The following LMBRD2 variants were observed in gnomAD, a reference collection of about 807,000 sequenced individuals.
LMBRD2 encodes G protein-coupled receptor-associated protein LMBRD2.
Under a neutral mutation model 94.4 loss-of-function variants are expected in LMBRD2, and 55 were observed. That is an observed-to-expected ratio of 0.58 (90% confidence interval 0.47 to 0.73). LMBRD2 has a LOEUF of 0.73. Ranked by LOEUF, LMBRD2 falls within the 30% of genes least tolerant of loss-of-function variation. The pLI is 0.00. For synonymous variants in LMBRD2, 246 were observed against 272.4 expected, an observed-to-expected ratio of 0.90 and a Z score of 0.95; for missense variants, 640 against 831.9, an observed-to-expected ratio of 0.77 and a Z score of 2.84.
At chr5:36,121,835 C>T (rs1743893134) in intron 9 of LMBRD2, among the ~76,000 whole-genome samples, 1 of 152,102 alleles carries the variant, frequency 6.6e-6, no homozygotes, top group Admixed American at 6.5e-5. Flanking sequence ...CTATTCAGTA[C>T]AGTAACATGC....
intron 4 of LMBRD2, among the ~76,000 whole-genome samples, chr5:36,138,669 C>T (rs1481038827): frequency 6.6e-6 from 1 of 152,226 alleles, no homozygotes; most frequent in African/African-American, 2.4e-5. Flanking sequence ...AAACTAAACA[C>T]AATCTATGCA....
chr5:36,146,086 G>C (rs1382299707), intron 1 of LMBRD2, among the ~76,000 whole-genome samples: 4 of 152,224 alleles, frequency 2.6e-5, no homozygotes, highest in South Asian at 2.1e-4. Flanking sequence ...CACTTTAAAG[G>C]GTTGTAGATG....
chr5:36,132,967 C>T (rs187420793), intron 6 of LMBRD2, among the ~76,000 whole-genome samples: 1 of 148,994 alleles, frequency 6.7e-6, no homozygotes, highest in East Asian at 2.0e-4. Flanking sequence ...AGTACAACTA[C>T]TATGGAGAAC....
chr5:36,142,699 C>T, intron 2 of LMBRD2, 100 bp from the exon 3 acceptor site: 2 of 612,996 alleles, frequency 3.3e-6, no homozygotes, highest in South Asian at 2.0e-5. Context: ...AACTTACCTT[C>T]TTGGCTATGC....
At chr5:36,105,960 A>C (rs1481055170) in intron 16 of LMBRD2, among the ~76,000 whole-genome samples, 2 of 152,184 alleles carry the variant, frequency 1.3e-5, no homozygotes, top group East Asian at 3.9e-4. Flanking sequence ...TCTTTCTGAA[A>C]ACTTAATGCA....
intron 2 of LMBRD2, among the ~76,000 whole-genome samples, 153 bp downstream of exon 2, chr5:36,143,023 C>T (rs1397945648): frequency 3.3e-5 from 5 of 152,050 alleles, no homozygotes; most frequent in Non-Finnish European, 7.4e-5. Flanking sequence ...CCACGCCCGG[C>T]CCTTGGCTAT....
chr5:36,107,076 A>G (rs1004213065), intron 16 of LMBRD2, among the ~76,000 whole-genome samples: 3 of 152,120 alleles, frequency 2.0e-5, no homozygotes, highest in East Asian at 1.9e-4. Flanking sequence ...CTCTTTTTCA[A>G]TCCCCAAGCT....
chr5:36,110,021 G>A (rs1431984153), intron 14 of LMBRD2, 30 bp from the exon 15 acceptor site: 11 of 1,555,396 alleles, frequency 7.1e-6, no homozygotes, highest in African/African-American at 2.7e-5. Flanking sequence ...CTCAAATATG[G>A]CATAACATGG....
At chr5:36,136,940 C>CA (rs988665161) in intron 5 of LMBRD2, among the ~76,000 whole-genome samples, 3 of 151,174 alleles carry the variant, frequency 2.0e-5, no homozygotes, top group African/African-American at 4.9e-5. Context: ...ATAATCAAAA[C>CA]AAAAAAAATC....
chr5:36,148,246 G>GAAAAA (rs112066311), intron 1 of LMBRD2, among the ~76,000 whole-genome samples: 1 of 107,476 alleles, frequency 9.3e-6, no homozygotes, highest in Non-Finnish European at 2.0e-5. Flanking sequence ...CTCGAAAAAT[G>GAAAAA]AAAAAAAAAA....
intron 1 of LMBRD2, among the ~76,000 whole-genome samples, chr5:36,146,058 A>G (rs1172597495): frequency 6.6e-6 from 1 of 152,212 alleles, no homozygotes; most frequent in African/African-American, 2.4e-5. Flanking sequence ...TCTGTTTTTC[A>G]GTCTGATTCA....
chr5:36,144,043 T>C (rs1397647170), intron 1 of LMBRD2, among the ~76,000 whole-genome samples: 1 of 152,124 alleles, frequency 6.6e-6, no homozygotes, highest in Non-Finnish European at 1.5e-5. Flanking sequence ...CTTACTTTGA[T>C]AAATTCTCAT....
rs1402370786 is a variant in LMBRD2, at chr5:36,111,367, CTG to C, written c.1641-111_1641-110del. 5 of 760,500 alleles carry C rather than the reference CTG, an allele frequency of 6.6e-6. No homozygotes were observed. The East Asian group carries it at 1.1e-4, about 16-fold the overall frequency. The allele number at this position is 760,500 out of a possible 1,614,324, so 47.1% of individuals were successfully genotyped here. ...CCAAAAGAAGACTATGCTTCATTAT[CTG>C]TTATCATATAGTTATCTACTGTCAC... On this transcript the variant is annotated intron_variant, in intron 13 of 17. Coordinates refer to ENST00000296603, the MANE Select transcript of LMBRD2 (RefSeq NM_001007527.2).
intron 9 of LMBRD2, among the ~76,000 whole-genome samples, chr5:36,120,331 C>T (rs868313135): frequency 6.6e-6 from 1 of 151,908 alleles, no homozygotes; most frequent in Non-Finnish European, 1.5e-5. Context: ...GGCACAATCT[C>T]GGCTCACTGC....
intron 16 of LMBRD2, among the ~76,000 whole-genome samples, chr5:36,106,749 ATCCACCCACC>A: frequency 6.6e-6 from 1 of 152,088 alleles, no homozygotes; most frequent in Admixed American, 6.6e-5. Flanking sequence ...ACCTTAGGTG[ATCCACCCACC>A]TCAGCTTCAC....
At chr5:36,105,824 A>T (rs566360912) in intron 16 of LMBRD2, among the ~76,000 whole-genome samples, 1 of 152,182 alleles carries the variant, frequency 6.6e-6, no homozygotes, top group Non-Finnish European at 1.5e-5. Context: ...ATCATACCAG[A>T]CAGCAGATAA....
At position 36,105,150 on chromosome 5, in the gene LMBRD2, T is replaced by A. The variant is rs757695534; in HGVS notation, c.1945A>T (p.Ile649Leu). 7.4e-6 allele frequency: 12 copies of A among 1,612,716 alleles called. No individual in the cohort carries two copies. The Admixed American group carries it at 1.7e-4, about 22-fold the overall frequency. The change falls in exon 17 of 18, where the codon ATA (isoleucine) becomes TTA (leucine). Residue 649 changes from isoleucine (I) to leucine (L), a missense_variant. Physicochemically the swap from Ile to Leu is conservative, Grantham distance 5 (BLOSUM62 2). This residue lies in a region of LMBRD2 where 183 missense variants were observed against 189.1 expected (regional missense o/e 0.97). Coordinates refer to ENST00000296603, the MANE Select transcript of LMBRD2 (RefSeq NM_001007527.2). ...RANNRTERDRIELLQDAEPLD... is the reference protein window; with the variant it reads ...RANNRTERDRLELLQDAEPLD... ...GGTTCTGCATCTTGGAGAAGTTCTATCCGGTCCCTTTCAGTCCTGTTATTA... is the reference window on the plus strand; with the variant it reads ...GGTTCTGCATCTTGGAGAAGTTCTAACCGGTCCCTTTCAGTCCTGTTATTA...
At chr5:36,120,094 C>G (rs1170319584) in intron 9 of LMBRD2, among the ~76,000 whole-genome samples, 1 of 146,856 alleles carries the variant, frequency 6.8e-6, no homozygotes, top group African/African-American at 2.5e-5. Flanking sequence ...GAGTCTCATT[C>G]TGTCCCCAGG....
chr5:36,098,458 G>T lies in LMBRD2; in HGVS notation c.*5588C>A, dbSNP rs559964557. The T allele has an allele frequency of 2.0e-5, 3 of 151,958 alleles. No individual in the cohort carries two copies. The highest frequency in any genetic ancestry group is 3.9e-4 in the East Asian group (2 of 5,186). The allele number at this position is 151,958 out of a possible 1,614,324, so 9.4% of individuals were successfully genotyped here. On this transcript the variant is annotated 3_prime_UTR_variant, in exon 18 of 18. Coordinates refer to ENST00000296603, the MANE Select transcript of LMBRD2 (RefSeq NM_001007527.2). Reference sequence around the variant, plus strand: ...TTATTTTAAAACATTTGTCATATTTGCTAATAAATTGATAAGGAACAAAGA... The same window carrying T: ...TTATTTTAAAACATTTGTCATATTTTCTAATAAATTGATAAGGAACAAAGA...
Sources: gnomAD v4.1 joint callset for allele counts (sites outside exome capture counted in the v4.1 genomes callset) on GRCh38, gnomAD v4.1.1 for gene constraint, gnomAD v4.1.1 regional missense constraint, MANE v1.5 for transcripts, NCBI Gene and HGNC (gene_info 2026-07-23, HGNC 2026-07-21) for gene names.